The following TXN variants were observed in gnomAD, a reference collection of about 807,000 sequenced individuals.
TXN encodes the protein thioredoxin.
A neutral mutation model predicts 16.5 loss-of-function variants in TXN; 10 were observed. The ratio of observed to expected loss-of-function variants is 0.61; its 90% CI spans 0.37 to 1.03. TXN has a LOEUF of 1.03. TXN is among the 50% of genes least tolerant of loss of function. The probability of loss-of-function intolerance (pLI) is 0.01; values close to 1 mark genes in which losing one functional copy is unlikely to be tolerated. For synonymous variants in TXN, 35 were observed against 39.4 expected (o/e 0.89, Z 0.42); for missense variants, 71 against 122.5 (o/e 0.58, Z 1.98).
rs745979522 is a variant in TXN at position 110,244,760 on chromosome 9, A to C, written c.255+18T>G. On this transcript the variant is annotated intron_variant, in intron 4 of 4. Coordinates refer to ENST00000374517, the MANE Select transcript of TXN (RefSeq NM_003329.4). ...TTCCTATTGCCCAGTTAGAGTTTTAAAGGTCAGATGTACGTACCTTTTGTC... is the reference window on the plus strand; with the variant it reads ...TTCCTATTGCCCAGTTAGAGTTTTACAGGTCAGATGTACGTACCTTTTGTC... 3.7e-6 allele frequency: 6 copies of C among 1,606,034 alleles called. No homozygotes were observed. In the East Asian group the frequency reaches 1.3e-4, roughly 36 times the overall value.
At chr9:110,247,182 G>A (rs1232309748) in intron 3 of TXN, among the ~76,000 whole-genome samples, 1 of 152,120 alleles carries the variant, frequency 6.6e-6, no homozygotes, top group Non-Finnish European at 1.5e-5. Flanking sequence ...ATTTAGCCTG[G>A]TGTGGTAGCG....
At position 110,251,392 on chromosome 9, in the gene TXN, C is replaced by CA; in HGVS notation, c.94dup (p.Cys32LeufsTer16). The stretch of plus-strand genomic sequence containing the variant: ...AGGCTTGATCATTTTGCAAGGCCCA[C>CA]ACCACGTGGCTGAGAAGTCAACTAC... On this transcript the variant is annotated frameshift_variant, in exon 2 of 5. Coordinates refer to ENST00000374517, the MANE Select transcript of TXN (RefSeq NM_003329.4). LOFTEE classifies it high-confidence loss of function. The CA allele has an allele frequency of 6.2e-7, 1 of 1,612,006 alleles. No individual in the cohort carries two copies. Among genetic ancestry groups the CA allele is most frequent in the Non-Finnish European group, 8.5e-7 (1 of 1,179,808 alleles).
At chr9:110,250,169 C>T (rs1318390417) in intron 3 of TXN, among the ~76,000 whole-genome samples, 1 of 152,226 alleles carries the variant, frequency 6.6e-6, no homozygotes, top group Non-Finnish European at 1.5e-5. Context: ...CATGAACAAC[C>T]TCTGTGTTTC....
At position 110,244,321 on chromosome 9, in the gene TXN, G is replaced by GTA. The variant is rs1056261997; in HGVS notation, c.256-104_256-103dup. ...TATTTATATATATACATATACATAT[G>GTA]TATATATATACATATGTATAAATAT... On this transcript the variant is annotated intron_variant, in intron 4 of 4. Transcript: ENST00000374517. 3.4e-5 allele frequency: 11 copies of GTA among 319,334 alleles called. 1 individual carries two copies. The Admixed American group carries it at 4.2e-4, about 12-fold the overall frequency. 19.8% of individuals were successfully genotyped at this position (319,334 alleles called of 1,614,324 possible).
At chr9:110,253,384 G>GT (rs1414572242) in intron 1 of TXN, among the ~76,000 whole-genome samples, 1 of 152,110 alleles carries the variant, frequency 6.6e-6, no homozygotes, top group Admixed American at 6.5e-5. Flanking sequence ...TATAGCAATT[G>GT]TTTTTCCAAA....
At chr9:110,246,609 C>T (rs942874446) in intron 3 of TXN, among the ~76,000 whole-genome samples, 37 of 152,124 alleles carry the variant, frequency 2.4e-4, no homozygotes, top group African/African-American at 7.5e-4. Flanking sequence ...AACCAAATCA[C>T]GGAAACCAAC....
In TXN at chr9:110,250,858, T is replaced by C; in HGVS notation, c.151A>G (p.Asn51Asp). The change falls in exon 3 of 5, where the codon AAC becomes GAC. Residue 51 changes from asparagine to aspartate, a missense_variant. Asn to Asp is a conservative substitution (Grantham distance 23, BLOSUM62 1). Coordinates refer to ENST00000374517, the MANE Select transcript of TXN (RefSeq NM_003329.4). ...ACATCTACTTCAAGGAATATCACGT[T>C]GGAATACTTTTCAGAGAGGGACTGG... ...FFHSLSEKYSNVIFLEVDVDD... is the reference protein window; with the variant it reads ...FFHSLSEKYSDVIFLEVDVDD... The C allele has an allele frequency of 6.2e-7, 1 of 1,610,900 alleles. No homozygotes were observed. Among genetic ancestry groups the C allele is most frequent in the Non-Finnish European group, 8.5e-7 (1 of 1,179,254 alleles).
chr9:110,248,570 C>G (rs4135203), intron 3 of TXN, among the ~76,000 whole-genome samples: 34,752 of 151,954 alleles, frequency 0.23, 4,866 homozygotes, highest in East Asian at 0.62. Context: ...ACAAAATTGC[C>G]TAACATTTCT....
At chr9:110,255,749 C>G (rs1344780485) in intron 1 of TXN, among the ~76,000 whole-genome samples, 4 of 152,324 alleles carry the variant, frequency 2.6e-5, no homozygotes, top group East Asian at 1.9e-4. Flanking sequence ...CAGGGGGTCT[C>G]CAGCCGCAAT....
intron 1 of TXN, among the ~76,000 whole-genome samples, chr9:110,251,875 G>A (rs2118577189): frequency 6.6e-6 from 1 of 152,254 alleles, no homozygotes; most frequent in East Asian, 1.9e-4. Context: ...TATGAAAGGG[G>A]TCACTTGAAG....
intron 1 of TXN, 124 bp from the exon 2 acceptor site, chr9:110,251,586 C>CAA (rs5899890): frequency 0.053 from 2,967 of 56,204 alleles, 310 homozygotes; most frequent in East Asian, 0.13. Context: ...ACTTTTTAGC[C>CAA]AAAAAAAAAA....
chr9:110,249,122 TCTC>T (rs1367015853), intron 3 of TXN, among the ~76,000 whole-genome samples: 3 of 63,818 alleles, frequency 4.7e-5, no homozygotes, highest in African/African-American at 7.8e-5. Flanking sequence ...GTGAACTCCA[TCTC>T]AAAAAAAAAA....
intron 3 of TXN, among the ~76,000 whole-genome samples, chr9:110,250,586 C>T (rs755272710): frequency 3.9e-5 from 6 of 152,086 alleles, no homozygotes; most frequent in Non-Finnish European, 5.9e-5. Context: ...GGTGGGTGGC[C>T]GATAAGATTC....
intron 3 of TXN, among the ~76,000 whole-genome samples, chr9:110,249,986 C>G (rs1315725937): frequency 6.6e-6 from 1 of 152,046 alleles, no homozygotes; most frequent in East Asian, 1.9e-4. Flanking sequence ...TGTAAAGGGC[C>G]CCGAAGTGAT....
chr9:110,251,120 C>T (rs888785215), intron 2 of TXN, among the ~76,000 whole-genome samples: 3 of 152,068 alleles, frequency 2.0e-5, no homozygotes, highest in Non-Finnish European at 2.9e-5. Context: ...GCCCATGTTT[C>T]AATGTGGGGA....
chr9:110,245,618 CTATATATATATATA>C (rs1170640168), intron 3 of TXN, among the ~76,000 whole-genome samples: 1 of 30,890 alleles, frequency 3.2e-5, no homozygotes, highest in Non-Finnish European at 5.1e-5. Flanking sequence ...CACACACACA[CTATATATATATATA>C]TATATATATA....
Position 110,244,084 on chromosome 9 carries a change from T to C in TXN, c.*73A>G. 3.3e-6 allele frequency: 3 copies of C among 906,558 alleles called. No homozygotes were observed. The highest frequency in any genetic ancestry group is 4.6e-6 in the Non-Finnish European group (3 of 645,638). 56.2% of individuals were successfully genotyped at this position (906,558 alleles called of 1,614,324 possible). A position where few individuals can be genotyped will look rare whatever the true frequency, so the allele number is the denominator to read the frequency against. The stretch of plus-strand genomic sequence containing the variant: ...GCAACTGGGTTTATGTCTTCATATT[T>C]TATATTTTTGTAAATTAAAAAAATT... On this transcript the variant is annotated 3_prime_UTR_variant, in exon 5 of 5. Coordinates refer to ENST00000374517, the MANE Select transcript of TXN (RefSeq NM_003329.4).
chr9:110,251,528 C>T (rs1318784312), intron 1 of TXN, 66 bp from the exon 2 acceptor site: 6 of 725,688 alleles, frequency 8.3e-6, no homozygotes, highest in East Asian at 5.2e-5. Flanking sequence ...AAGAAAGACT[C>T]GACACAATGA....
At chr9:110,251,014 CAT>C in intron 2 of TXN, 135 bp from the exon 3 acceptor site, 4 of 676,268 alleles carry the variant, frequency 5.9e-6, no homozygotes, top group Non-Finnish European at 1.0e-5. Flanking sequence ...TCTTTGGAGA[CAT>C]AGATCTAAGA....
Sources: gnomAD v4.1 joint callset for allele counts (sites outside exome capture counted in the v4.1 genomes callset) on GRCh38, gnomAD v4.1.1 for gene constraint, MANE v1.5 for transcripts, NCBI Gene and HGNC (gene_info 2026-07-23, HGNC 2026-07-21) for gene names.